The following MKLN1 variants were observed in gnomAD, a reference collection of about 807,000 sequenced individuals.
The protein encoded by MKLN1 is muskelin 1.
Under a neutral mutation model 99.0 loss-of-function variants are expected in MKLN1, and 18 were observed. The observed-to-expected ratio is 0.18, with a 90% CI of 0.13 to 0.27. The LOEUF (loss-of-function observed/expected upper bound fraction) is 0.27. MKLN1 is among the 10% of genes least tolerant of loss of function. The pLI is 1.00. For synonymous variants in MKLN1, 288 were observed against 293.2 expected (o/e 0.98, Z 0.18); for missense variants, 621 against 875.9 (o/e 0.71, Z 3.67).
rs1189758172 is a variant in MKLN1, at chr7:131,496,578, GGA to G, written c.*8853_*8854del. On this transcript the variant is annotated 3_prime_UTR_variant, in exon 18 of 18. Transcript: ENST00000352689. ...ATTATGTTGTATGTAATGTACATAT[GGA>G]GAAAGAATGTATTTTGTTCATTTTC... 1 of 152,014 alleles carries G rather than the reference GGA, an allele frequency of 6.6e-6. No homozygotes were observed. The highest frequency in any genetic ancestry group is 2.4e-5 in the African/African-American group (1 of 41,296). 9.4% of individuals were successfully genotyped at this position (152,014 alleles called of 1,614,324 possible). A position where few individuals can be genotyped will look rare whatever the true frequency, so the allele number is the denominator to read the frequency against.
rs113393034 is a variant in MKLN1, at chr7:131,383,161, C to T, written c.169-3959C>T. 3.5e-3 allele frequency among the ~76,000 whole-genome samples: 533 copies of T among 152,244 alleles called. 2 individuals are homozygous for T. The highest frequency in any genetic ancestry group is 0.012 in the African/African-American group (507 of 41,540). ...CACACCTTAAAACCTTTTTATGTTT[C>T]TCTACTTGTCCTAGAACAGAGTCCA... is the stretch of plus-strand genomic sequence containing the variant. On this transcript the variant is annotated intron_variant, in intron 2 of 17. Transcript: ENST00000352689.
chr7:131,294,074 C>T (rs558552597), intron 3 of MKLN1, among the ~76,000 whole-genome samples: 58 of 151,916 alleles, frequency 3.8e-4, no homozygotes, highest in Non-Finnish European at 7.2e-4. Context: ...TCTTGGGGCA[C>T]TGGACTAGAG....
At chr7:131,367,770 C>T (rs172807) in intron 1 of MKLN1, among the ~76,000 whole-genome samples, 1 of 152,170 alleles carries the variant, frequency 6.6e-6, no homozygotes, top group Non-Finnish European at 1.5e-5. Context: ...ATCCCATCTC[C>T]TGTCACAGGA....
chr7:131,275,551 ATATATATATATATATATTTTTTTTTT>A (rs1344190392), intron 3 of MKLN1, among the ~76,000 whole-genome samples: 776 of 15,390 alleles, frequency 0.05, 42 homozygotes, highest in African/African-American at 0.16. Context: ...ATATATATAT[ATATATATATATATATATTTTTTTTTT>A]TTTTTTTTTT....
chr7:131,444,073 T>C (rs1795923591), intron 11 of MKLN1, among the ~76,000 whole-genome samples: 1 of 152,090 alleles, frequency 6.6e-6, no homozygotes, highest in South Asian at 2.1e-4. Context: ...GAATTTAAGA[T>C]TTGATTTTAT....
At chr7:131,341,939 G>C (rs1405930401) in intron 1 of MKLN1, among the ~76,000 whole-genome samples, 1 of 152,202 alleles carries the variant, frequency 6.6e-6, no homozygotes, top group African/African-American at 2.4e-5. Flanking sequence ...ACCAGTACTG[G>C]TCTGTGGCCT....
chr7:131,318,894 G>A (rs1483791056), intron 3 of MKLN1, among the ~76,000 whole-genome samples: 1 of 152,136 alleles, frequency 6.6e-6, no homozygotes, highest in East Asian at 1.9e-4. Flanking sequence ...GACTAAACCA[G>A]GAAGAAGTCG....
intron 5 of MKLN1, among the ~76,000 whole-genome samples, chr7:131,397,910 T>C (rs1392334507): frequency 6.6e-6 from 1 of 152,152 alleles, no homozygotes; most frequent in Non-Finnish European, 1.5e-5. Context: ...TATTGTTACA[T>C]GGTAGTTATG....
At chr7:131,307,512 C>A (rs546525654) in intron 3 of MKLN1, among the ~76,000 whole-genome samples, 2 of 152,126 alleles carry the variant, frequency 1.3e-5, no homozygotes, top group Non-Finnish European at 2.9e-5. Context: ...GGCTGTACCC[C>A]GCAGAGTCAC....
chr7:131,434,742 T>C (rs929759161), intron 9 of MKLN1, among the ~76,000 whole-genome samples: 3 of 152,116 alleles, frequency 2.0e-5, no homozygotes, highest in Admixed American at 1.3e-4. Context: ...TGTGTAGAGA[T>C]AGGATCTCTG....
At chr7:131,404,665 C>T (rs879356924) in intron 6 of MKLN1, among the ~76,000 whole-genome samples, 25 of 151,846 alleles carry the variant, frequency 1.6e-4, no homozygotes, top group Admixed American at 1.4e-3. Context: ...AGTGCAGTGG[C>T]ACAGTCACGG....
intron 2 of MKLN1, among the ~76,000 whole-genome samples, chr7:131,179,825 CG>C (rs1174241727): frequency 1.3e-5 from 2 of 152,110 alleles, no homozygotes; most frequent in African/African-American, 4.8e-5. Flanking sequence ...CCGCCTGCCT[CG>C]GCCTCCCAAA....
chr7:131,240,792 A>C (rs1368272684), intron 3 of MKLN1, among the ~76,000 whole-genome samples: 1 of 152,242 alleles, frequency 6.6e-6, no homozygotes, highest in Non-Finnish European at 1.5e-5. Context: ...GTTGTCGTTA[A>C]AGAACTAGCT....
chr7:131,397,517 C>T (rs1370970096), intron 5 of MKLN1, 141 bp downstream of exon 5: 1 of 552,576 alleles, frequency 1.8e-6, no homozygotes, highest in Non-Finnish European at 3.1e-6. Flanking sequence ...CACTTCCAGT[C>T]TGCCAGCTTT....
chr7:131,153,608 G>T (rs1288759330), intron 2 of MKLN1, among the ~76,000 whole-genome samples: 1 of 150,804 alleles, frequency 6.6e-6, no homozygotes, highest in Non-Finnish European at 1.5e-5. Context: ...AATAAACTAT[G>T]ATACCTACAC....
chr7:131,457,541 A>G (rs538026921), intron 12 of MKLN1, among the ~76,000 whole-genome samples: 2 of 152,320 alleles, frequency 1.3e-5, no homozygotes, highest in East Asian at 3.9e-4. Context: ...GAAATAGAAA[A>G]TAGAGTAGAG....
chr7:131,241,908 A>C (rs547210260), intron 3 of MKLN1, among the ~76,000 whole-genome samples: 13 of 152,244 alleles, frequency 8.5e-5, no homozygotes, highest in African/African-American at 2.9e-4. Context: ...TGTCTTTCCG[A>C]ATCACCCTGT....
chr7:131,301,776 C>A (rs1798380149), intron 3 of MKLN1, among the ~76,000 whole-genome samples: 1 of 152,134 alleles, frequency 6.6e-6, no homozygotes, highest in African/African-American at 2.4e-5. Flanking sequence ...CTACCTCTGT[C>A]ATTCCCCAGT....
intron 12 of MKLN1, among the ~76,000 whole-genome samples, chr7:131,448,771 TCA>T (rs1796092391): frequency 6.6e-6 from 1 of 152,224 alleles, no homozygotes; most frequent in South Asian, 2.1e-4. Flanking sequence ...CTGTGTGTGT[TCA>T]GTGTGTAATT....
Sources: gnomAD v4.1 joint callset for allele counts (sites outside exome capture counted in the v4.1 genomes callset) on GRCh38, gnomAD v4.1.1 for gene constraint, MANE v1.5 for transcripts, NCBI Gene and HGNC (gene_info 2026-07-23, HGNC 2026-07-21) for gene names.